The following CACNA1I variants were observed in gnomAD, a reference collection of about 807,000 sequenced individuals.
CACNA1I encodes the protein voltage-dependent T-type calcium channel subunit alpha-1I.
In CACNA1I, 74 loss-of-function variants were observed where a neutral mutation model predicts 201.6. The observed-to-expected ratio is 0.37, with a 90% confidence interval of 0.30 to 0.45. The LOEUF (loss-of-function observed/expected upper bound fraction) is 0.45. CACNA1I is among the 20% of genes least tolerant of loss of function. The pLI is 1.00. For synonymous variants in CACNA1I, 1,431 were observed against 1,345.2 expected, an observed-to-expected ratio of 1.06 and a Z score of -1.40; for missense variants, 2,346 against 3,138.1, an observed-to-expected ratio of 0.75 and a Z score of 6.03.
chr22:39,594,440 G>A (rs1486164716), intron 1 of CACNA1I, among the ~76,000 whole-genome samples: 2 of 152,168 alleles, frequency 1.3e-5, no homozygotes, highest in South Asian at 2.1e-4. Context: ...GTTAATTAAT[G>A]ATGAAGCTGC....
chr22:39,581,404 C>T lies in CACNA1I; in HGVS notation c.236+10416C>T, dbSNP rs80077869. On this transcript the variant is annotated intron_variant, in intron 1 of 36. Transcript: ENST00000402142. ...TTCTGGAGGGCAGAACGGAAGACTGCGAGGGGAGGCACCGGTGTGGATGAG... is the reference window on the plus strand; with the variant it reads ...TTCTGGAGGGCAGAACGGAAGACTGTGAGGGGAGGCACCGGTGTGGATGAG... Among the ~76,000 whole-genome samples the T allele has an allele frequency of 2.0e-3, 299 of 152,172 alleles. 1 individual carries two copies. Among genetic ancestry groups the T allele is most frequent in the African/African-American group, 7.0e-3 (289 of 41,500 alleles).
In CACNA1I at chr22:39,665,780, C is replaced by A; in HGVS notation, c.3979-101C>A. ...GGGAGACAGACATGGGCCCAGATGACTGAGCACAAGACAGTCTGAGTAAAC... is the reference window on the plus strand; with the variant it reads ...GGGAGACAGACATGGGCCCAGATGAATGAGCACAAGACAGTCTGAGTAAAC... On this transcript the variant is annotated intron_variant, in intron 22 of 36. Transcript: ENST00000402142. This position sits in a 1 kb window ranked among gnomAD's most constrained non-coding sequence, Gnocchi z 5.5. 6.4e-7 allele frequency: 1 copy of A among 1,563,432 alleles called. No homozygotes were observed. Among genetic ancestry groups the A allele is most frequent in the Non-Finnish European group, 8.8e-7 (1 of 1,141,712 alleles).
At chr22:39,661,418 CAA>C (rs1313776014) in intron 16 of CACNA1I, 108 bp downstream of exon 16, 3 of 847,966 alleles carry the variant, frequency 3.5e-6, no homozygotes, top group Non-Finnish European at 5.2e-6. Context: ...GGTGCCCAGC[CAA>C]AGTCAGGCAG....
At chr22:39,675,307 C>T (rs1935486041) in intron 29 of CACNA1I, among the ~76,000 whole-genome samples, 1 of 152,216 alleles carries the variant, frequency 6.6e-6, no homozygotes, top group Non-Finnish European at 1.5e-5. Flanking sequence ...TGAGAAGTGC[C>T]ATTTAAGAGG....
intron 3 of CACNA1I, among the ~76,000 whole-genome samples, chr22:39,606,235 GGAGT>G (rs1311310184): frequency 6.6e-6 from 1 of 152,142 alleles, no homozygotes; most frequent in African/African-American, 2.4e-5. Flanking sequence ...GGTGGCCTGG[GGAGT>G]GGCCATGCTC....
At chr22:39,668,771 A>G (rs1935276638) in intron 24 of CACNA1I, among the ~76,000 whole-genome samples, 1 of 152,156 alleles carries the variant, frequency 6.6e-6, no homozygotes, top group African/African-American at 2.4e-5. Flanking sequence ...AGCCAGGAGT[A>G]GAAAGTGAGA....
At chr22:39,641,233 G>A (rs992313607) in intron 6 of CACNA1I, 51 bp downstream of exon 6, 3 of 1,496,336 alleles carry the variant, frequency 2.0e-6, no homozygotes, top group African/African-American at 2.7e-5. Flanking sequence ...GGGCAGCTCT[G>A]CCTGGTGGGC....
At position 39,649,205 on chromosome 22, in the gene CACNA1I, G is replaced by T. The variant is rs926334; in HGVS notation, c.1568-296G>T. On this transcript the variant is annotated intron_variant, in intron 9 of 36. Transcript: ENST00000402142. The surrounding 1 kb of genome is among the most constrained non-coding windows in gnomAD (Gnocchi z 7.3). Reference sequence around the variant, plus strand: ...AGGGCCTAGGCCAGGAGGGATGGCCGGTCAGCACGGATGCGCGCCCTGCAC... The same window carrying T: ...AGGGCCTAGGCCAGGAGGGATGGCCTGTCAGCACGGATGCGCGCCCTGCAC... Among the ~76,000 whole-genome samples the T allele has an allele frequency of 0.43, 65,197 of 152,120 alleles. 15,470 individuals are homozygous for T. Among genetic ancestry groups the T allele is most frequent in the East Asian group, 0.97 (5,031 of 5,168 alleles).
chr22:39,660,382 C>A lies in CACNA1I; in HGVS notation c.2643C>A (p.Ser881Arg). Reference sequence around the variant, plus strand: ...GCTCCTACTCGGACGAGGACCAGAGCTCATCCAACATAGAAGAGTTTGATA... The same window carrying A: ...GCTCCTACTCGGACGAGGACCAGAGATCATCCAACATAGAAGAGTTTGATA... ...ANRSYSDEDQ[S>R]SSNIEEFDKL... Residue 881 changes from serine to arginine, a missense_variant, in exon 15 of 37, where the codon AGC (serine) becomes AGA (arginine). Physicochemically the swap from Ser to Arg is moderately radical, Grantham distance 110. Transcript: ENST00000402142. 1 of 1,612,978 alleles carries A rather than the reference C, an allele frequency of 6.2e-7. No homozygotes were observed. The highest frequency in any genetic ancestry group is 8.5e-7 in the Non-Finnish European group (1 of 1,179,714).
At chr22:39,591,150 C>T (rs1016971719) in intron 1 of CACNA1I, among the ~76,000 whole-genome samples, 8 of 144,370 alleles carry the variant, frequency 5.5e-5, no homozygotes, top group Non-Finnish European at 1.1e-4. Context: ...CTGCATCTGG[C>T]CTGGATTCTT....
In CACNA1I at chr22:39,659,957, A is replaced by G. The variant is rs1035385126; in HGVS notation, c.2604+105A>G. The G allele has an allele frequency of 1.5e-6, 2 of 1,297,626 alleles. No homozygotes were observed. Among genetic ancestry groups the G allele is most frequent in the Non-Finnish European group, 1.1e-6 (1 of 913,394 alleles). 80.4% of individuals were successfully genotyped at this position (1,297,626 alleles called of 1,614,324 possible). A position where few individuals can be genotyped will look rare whatever the true frequency, so the allele number is the denominator to read the frequency against. On this transcript the variant is annotated intron_variant, in intron 14 of 36. Transcript: ENST00000402142. The surrounding 1 kb of genome is among the most constrained non-coding windows in gnomAD (Gnocchi z 4.3). ...GAGGGCTGCAATTCAAACTTCTAGC[A>G]GGCAACCTATCCCTAAAGGAGGGGG...
intron 10 of CACNA1I, 98 bp from the exon 11 acceptor site, chr22:39,658,054 C>T: frequency 7.6e-7 from 1 of 1,316,316 alleles, no homozygotes. Flanking sequence ...AGGACACCGA[C>T]CTGCCAGGGT....
At position 39,629,221 on chromosome 22, in the gene CACNA1I, C is replaced by T. The variant is rs909215774; in HGVS notation, c.581-5344C>T. 2.6e-5 allele frequency among the ~76,000 whole-genome samples: 4 copies of T among 152,130 alleles called. No homozygotes were observed. The highest frequency in any genetic ancestry group is 5.9e-5 in the Non-Finnish European group (4 of 68,028). On this transcript the variant is annotated intron_variant, in intron 4 of 36. Transcript: ENST00000402142. The surrounding 1 kb of genome is among the most constrained non-coding windows in gnomAD (Gnocchi z 4.8). ...ACCCTGGTGCTCCACATGACGCTCCCGGGCCAGACTGTTCTCCCCTGAACT... is the reference window on the plus strand; with the variant it reads ...ACCCTGGTGCTCCACATGACGCTCCTGGGCCAGACTGTTCTCCCCTGAACT...
In CACNA1I at chr22:39,654,858, A is replaced by C. The variant is rs9623035; in HGVS notation, c.1993-3294A>C. On this transcript the variant is annotated intron_variant, in intron 10 of 36. Coordinates refer to ENST00000402142, the MANE Select transcript of CACNA1I (RefSeq NM_021096.4). ...CAAGGGGCAGGGCAGACAGTGCAGG[A>C]GGCCAGGAGGGCTGTTCATTCAGGA... 5.7e-3 allele frequency among the ~76,000 whole-genome samples: 868 copies of C among 152,280 alleles called. 9 individuals are homozygous for C. The highest frequency in any genetic ancestry group is 0.02 in the African/African-American group (820 of 41,562).
At chr22:39,594,903 A>G (rs1312524677) in intron 1 of CACNA1I, among the ~76,000 whole-genome samples, 1 of 152,130 alleles carries the variant, frequency 6.6e-6, no homozygotes, top group Non-Finnish European at 1.5e-5. Flanking sequence ...TGAACCCTAT[A>G]TTTACTATGT....
rs547599864 is a variant in CACNA1I, at chr22:39,664,733, C to T, written c.3667-6C>T. The stretch of plus-strand genomic sequence containing the variant: ...CAGCCTGACCCCGGCCCCACCCCCG[C>T]CCCAGGTAGTCTCGCTGGGCCTGTA... On this transcript the variant is annotated splice_region_variant and splice_polypyrimidine_tract_variant and intron_variant, in intron 20 of 36. Transcript: ENST00000402142. 9.4e-5 allele frequency: 147 copies of T among 1,568,056 alleles called. No homozygotes were observed. The East Asian group carries it at 2.9e-3, about 30-fold the overall frequency.
intron 1 of CACNA1I, among the ~76,000 whole-genome samples, chr22:39,577,608 G>A (rs116718791): frequency 0.024 from 3,634 of 152,336 alleles, 136 homozygotes; most frequent in African/African-American, 0.081. Flanking sequence ...TGGACTGCGC[G>A]GAGCACAGCT....
chr22:39,572,630 G>A (rs1234549276), intron 1 of CACNA1I, among the ~76,000 whole-genome samples: 1 of 152,104 alleles, frequency 6.6e-6, no homozygotes, highest in East Asian at 1.9e-4. Context: ...CTTGGTGAGA[G>A]GGTCTGCTCG....
Position 39,665,739 on chromosome 22 carries a change from G to C in CACNA1I, c.3978+115G>C, listed in dbSNP as rs1011775253. On this transcript the variant is annotated intron_variant, in intron 22 of 36. Coordinates refer to ENST00000402142, the MANE Select transcript of CACNA1I (RefSeq NM_021096.4). This position sits in a 1 kb window ranked among gnomAD's most constrained non-coding sequence, Gnocchi z 5.5. ...ACCTCATGCGCCTTGCCAGCTGTGG[G>C]CTTCTCCTCCAGGGAGGGAGACAGA... 6.5e-7 allele frequency: 1 copy of C among 1,538,854 alleles called. No homozygotes were observed. The highest frequency in any genetic ancestry group is 1.4e-5 in the African/African-American group (1 of 73,494).
Sources: gnomAD v4.1 joint callset for allele counts (sites outside exome capture counted in the v4.1 genomes callset) on GRCh38, gnomAD v4.1.1 for gene constraint, Gnocchi (gnomAD v3.1) non-coding constraint, MANE v1.5 for transcripts, NCBI Gene and HGNC (gene_info 2026-07-23, HGNC 2026-07-21) for gene names.